The following PPARGC1A variants were observed in gnomAD, a reference collection of about 807,000 sequenced individuals.
PPARGC1A encodes peroxisome proliferator-activated receptor gamma coactivator 1-alpha.
A neutral mutation model predicts 88.7 loss-of-function variants in PPARGC1A; 25 were observed. The observed-to-expected ratio is 0.28, with a 90% CI of 0.21 to 0.39. PPARGC1A has a LOEUF of 0.39. Among genes scored for constraint, PPARGC1A ranks in the 10% least tolerant of loss-of-function variants. The pLI is 1.00. For missense variants in PPARGC1A, 880 were observed against 968.7 expected (o/e 0.91, Z 1.22); for synonymous variants, 363 against 355.6 (o/e 1.02, Z -0.24).
the PPARGC1A span, among the ~76,000 whole-genome samples, chr4:23,928,935 T>A: frequency 6.6e-6 from 1 of 151,714 alleles, no homozygotes; most frequent in African/African-American, 2.4e-5. Flanking sequence ...TGAGAACACA[T>A]GGACACAGGG....
chr4:24,268,306 G>A, the PPARGC1A span, among the ~76,000 whole-genome samples: 2 of 152,186 alleles, frequency 1.3e-5, no homozygotes, highest in Admixed American at 6.5e-5. Context: ...TATTAACCAA[G>A]GTCACTGCTA....
At chr4:23,813,614 T>G in intron 8 of PPARGC1A, 76 bp downstream of exon 8, 1 of 1,345,780 alleles carries the variant, frequency 7.4e-7, no homozygotes, top group Non-Finnish European at 1.0e-6. Flanking sequence ...AGATTTCAAA[T>G]TTTTATTTGT....
At chr4:24,156,799 T>C in the PPARGC1A span, among the ~76,000 whole-genome samples, 7 of 151,984 alleles carry the variant, frequency 4.6e-5, no homozygotes, top group South Asian at 4.2e-4. Context: ...GCTTTTATTG[T>C]TCAGAACTAC....
chr4:24,079,168 G>A, the PPARGC1A span, among the ~76,000 whole-genome samples: 1 of 151,918 alleles, frequency 6.6e-6, no homozygotes, highest in East Asian at 1.9e-4. Flanking sequence ...ATAATATTAA[G>A]TCAAGTATTT....
the PPARGC1A span, among the ~76,000 whole-genome samples, chr4:23,949,273 G>A: frequency 6.6e-6 from 1 of 152,116 alleles, no homozygotes; most frequent in African/African-American, 2.4e-5. Flanking sequence ...AGGCACATTT[G>A]GAGTAACATG....
chr4:24,246,738 A>G, the PPARGC1A span, among the ~76,000 whole-genome samples: 1 of 152,210 alleles, frequency 6.6e-6, no homozygotes, highest in Non-Finnish European at 1.5e-5. Context: ...AGTCACCACC[A>G]CGTCACCCAC....
the PPARGC1A span, among the ~76,000 whole-genome samples, chr4:24,361,252 A>G: frequency 1.3e-5 from 2 of 152,188 alleles, no homozygotes; most frequent in Admixed American, 6.5e-5. Context: ...AAAGGGAAAG[A>G]CATCATCATC....
the PPARGC1A span, among the ~76,000 whole-genome samples, chr4:23,993,303 C>T: frequency 2.8e-4 from 43 of 152,036 alleles, no homozygotes; most frequent in East Asian, 5.0e-3. Context: ...CAGACAATGA[C>T]GGAACAGAAA....
At chr4:23,947,121 C>A in the PPARGC1A span, among the ~76,000 whole-genome samples, 2 of 151,766 alleles carry the variant, frequency 1.3e-5, no homozygotes, top group Non-Finnish European at 2.9e-5. Context: ...TAACTGGGAG[C>A]AATCACCTCA....
At chr4:23,994,637 C>G in the PPARGC1A span, among the ~76,000 whole-genome samples, 2 of 152,176 alleles carry the variant, frequency 1.3e-5, no homozygotes, top group African/African-American at 2.4e-5. Flanking sequence ...CCCATTGCCT[C>G]AAGAGCAGGG....
At chr4:24,179,812 T>C in the PPARGC1A span, among the ~76,000 whole-genome samples, 2 of 152,220 alleles carry the variant, frequency 1.3e-5, no homozygotes, top group African/African-American at 2.4e-5. Flanking sequence ...TCTCAACTGA[T>C]ATGTTTTTTA....
the PPARGC1A span, among the ~76,000 whole-genome samples, chr4:24,088,736 T>C: frequency 6.6e-6 from 1 of 152,236 alleles, no homozygotes; most frequent in East Asian, 1.9e-4. Context: ...CATTAGAAGA[T>C]CATCATGCTT....
chr4:24,080,283 T>C, the PPARGC1A span, among the ~76,000 whole-genome samples: 1 of 152,094 alleles, frequency 6.6e-6, no homozygotes, highest in Non-Finnish European at 1.5e-5. Flanking sequence ...TCAGTTTATT[T>C]CTGGATATTT....
chr4:24,050,319 C>T, the PPARGC1A span, among the ~76,000 whole-genome samples: 27 of 151,284 alleles, frequency 1.8e-4, no homozygotes, highest in African/African-American at 6.3e-4. Flanking sequence ...CCTCAGCCTC[C>T]CAAGTAGCTG....
chr4:24,460,984 T>A, the PPARGC1A span, among the ~76,000 whole-genome samples: 22,255 of 152,228 alleles, frequency 0.15, 2,178 homozygotes, highest in East Asian at 0.21. Flanking sequence ...AATGCAGTCA[T>A]GTAATCCTAG....
the PPARGC1A span, among the ~76,000 whole-genome samples, chr4:24,227,307 G>A: frequency 4.6e-5 from 7 of 152,042 alleles, no homozygotes; most frequent in African/African-American, 1.2e-4. Flanking sequence ...GGCTGGTTTC[G>A]AACTCTTGAG....
At chr4:23,942,929 T>G in the PPARGC1A span, among the ~76,000 whole-genome samples, 1 of 152,240 alleles carries the variant, frequency 6.6e-6, no homozygotes, top group Non-Finnish European at 1.5e-5. Context: ...AAAAGTCATG[T>G]AGACACAGTC....
chr4:24,045,347 G>A, the PPARGC1A span, among the ~76,000 whole-genome samples: 1 of 152,146 alleles, frequency 6.6e-6, no homozygotes, highest in Admixed American at 6.5e-5. Context: ...TCTTGTGTTT[G>A]GTACTGTCAC....
chr4:24,037,727 C>A, the PPARGC1A span, among the ~76,000 whole-genome samples: 26 of 152,252 alleles, frequency 1.7e-4, 2 homozygotes, highest in East Asian at 4.8e-3. Flanking sequence ...CTTGTGTATG[C>A]GTCTTGCCAA....
Sources: gnomAD v4.1 joint callset for allele counts (sites outside exome capture counted in the v4.1 genomes callset) on GRCh38, gnomAD v4.1.1 for gene constraint, MANE v1.5 for transcripts, NCBI Gene and HGNC (gene_info 2026-07-23, HGNC 2026-07-21) for gene names.